Variants in DDX10 observed in about 807,000 individuals in gnomAD.
The protein encoded by DDX10 is DEAD-box helicase 10.
A neutral mutation model predicts 104.3 loss-of-function variants in DDX10; 74 were observed. The observed-to-expected ratio is 0.71, with a 90% CI of 0.59 to 0.86. The LOEUF (loss-of-function observed/expected upper bound fraction) is 0.86. DDX10 is among the 40% of genes least tolerant of loss of function. The pLI is 0.00. For synonymous variants in DDX10, 351 were observed against 353.4 expected (o/e 0.99, Z 0.08); for missense variants, 952 against 1,040.0 (o/e 0.92, Z 1.16).
chr11:108,780,321 T>C (rs2094376466), intron 13 of DDX10, among the ~76,000 whole-genome samples: 1 of 152,216 alleles, frequency 6.6e-6, no homozygotes, highest in Non-Finnish European at 1.5e-5. Context: ...ATATCAGTTG[T>C]TGAGTCAGAG....
At chr11:108,738,790 G>T (rs888046341) in intron 13 of DDX10, among the ~76,000 whole-genome samples, 1 of 152,140 alleles carries the variant, frequency 6.6e-6, no homozygotes. Flanking sequence ...GCAGGTTAAC[G>T]TATTAGCCTG....
rs747487799 is a variant in DDX10, at chr11:108,691,891, C to T, written c.991C>T (p.Arg331Ter). Reference protein sequence around the residue: ...SSCKEVQYLYRVFCRLRPGVS... With the variant: ...SSCKEVQYLY ...GATGCCCCAGGTCCAGTATCTGTAC[C>T]GAGTGTTTTGCCGGCTACGTCCTGG... The change falls in exon 8 of 18, where the codon CGA becomes TGA. Residue 331 changes from arginine to a stop codon, truncating the protein, a stop_gained. Transcript: ENST00000322536. LOFTEE classifies it high-confidence loss of function. The T allele has an allele frequency of 9.9e-6, 16 of 1,613,852 alleles. No homozygotes were observed. The highest frequency in any genetic ancestry group is 1.4e-5 in the Non-Finnish European group (16 of 1,179,872).
intron 16 of DDX10, among the ~76,000 whole-genome samples, chr11:108,909,381 T>A (rs1266664840): frequency 9.1e-6 from 1 of 110,412 alleles, no homozygotes; most frequent in Non-Finnish European, 1.9e-5. Context: ...CCTTCCCTTG[T>A]CCTGTGCCCC....
At chr11:108,690,809 A>G in intron 7 of DDX10, 1 of 224,134 alleles carries the variant, frequency 4.5e-6, no homozygotes, top group South Asian at 6.4e-5. Context: ...TTCACCAAGC[A>G]GCACAGCTTT....
At chr11:108,904,873 G>A (rs1863569376) in intron 16 of DDX10, among the ~76,000 whole-genome samples, 1 of 152,120 alleles carries the variant, frequency 6.6e-6, no homozygotes, top group South Asian at 2.1e-4. Context: ...TGTTGCATTT[G>A]TGCTTTTATT....
At chr11:108,881,739 T>C (rs1218415354) in intron 16 of DDX10, among the ~76,000 whole-genome samples, 1 of 152,162 alleles carries the variant, frequency 6.6e-6, no homozygotes, top group Non-Finnish European at 1.5e-5. Flanking sequence ...GTATGATGTT[T>C]GGTAGGTTAG....
intron 13 of DDX10, among the ~76,000 whole-genome samples, chr11:108,810,720 A>G (rs947161148): frequency 6.6e-6 from 1 of 152,162 alleles, no homozygotes; most frequent in Non-Finnish European, 1.5e-5. Flanking sequence ...TGCACACACA[A>G]ACACACACAC....
intron 12 of DDX10, among the ~76,000 whole-genome samples, chr11:108,720,783 G>C (rs142522199): frequency 0.01 from 1,552 of 152,010 alleles, 25 homozygotes; most frequent in African/African-American, 0.036. Flanking sequence ...TGTAGAGATA[G>C]GGTTTCGCCA....
At chr11:108,846,276 A>C (rs970639539) in intron 15 of DDX10, among the ~76,000 whole-genome samples, 3 of 152,214 alleles carry the variant, frequency 2.0e-5, no homozygotes, top group Non-Finnish European at 2.9e-5. Context: ...GAGAACATTT[A>C]AAATCCATTC....
intron 13 of DDX10, among the ~76,000 whole-genome samples, chr11:108,772,990 A>G (rs985571863): frequency 7.2e-5 from 11 of 152,218 alleles, no homozygotes; most frequent in Non-Finnish European, 1.6e-4. Flanking sequence ...TATTGTGAAC[A>G]TAGTTTTGAC....
At chr11:108,730,903 A>C (rs151072492) in intron 13 of DDX10, among the ~76,000 whole-genome samples, 6 of 151,014 alleles carry the variant, frequency 4.0e-5, no homozygotes, top group African/African-American at 1.2e-4. Flanking sequence ...TCTGTTGAAT[A>C]TGAGGAACAT....
intron 13 of DDX10, among the ~76,000 whole-genome samples, chr11:108,803,168 A>G (rs1862047410): frequency 6.6e-6 from 1 of 152,124 alleles, no homozygotes; most frequent in Admixed American, 6.5e-5. Flanking sequence ...GCATTCTTGC[A>G]ATATATCAGA....
chr11:108,837,607 CTTTTTTTTTTTTTT>C (rs142381520), intron 13 of DDX10, among the ~76,000 whole-genome samples: 54 of 34,746 alleles, frequency 1.6e-3, no homozygotes, highest in South Asian at 0.012. Context: ...TTGGATACAG[CTTTTTTTTTTTTTT>C]TTTTTTTTTT....
At chr11:108,732,016 A>G (rs376831005) in intron 13 of DDX10, among the ~76,000 whole-genome samples, 11 of 152,326 alleles carry the variant, frequency 7.2e-5, no homozygotes, top group African/African-American at 2.4e-4. Context: ...CTTATAACTT[A>G]TCCTCTTTAT....
intron 16 of DDX10, among the ~76,000 whole-genome samples, chr11:108,867,804 T>C (rs947627413): frequency 7.2e-5 from 11 of 152,056 alleles, no homozygotes; most frequent in Non-Finnish European, 1.0e-4. Flanking sequence ...AAAACAGATA[T>C]CATGACTTTA....
chr11:108,735,984 A>G (rs1375157081), intron 13 of DDX10, among the ~76,000 whole-genome samples: 2 of 152,328 alleles, frequency 1.3e-5, no homozygotes, highest in African/African-American at 4.8e-5. Context: ...TAAGATTAGC[A>G]TACAGATTTC....
At chr11:108,897,425 A>G (rs761202221) in intron 16 of DDX10, among the ~76,000 whole-genome samples, 32 of 152,198 alleles carry the variant, frequency 2.1e-4, no homozygotes, top group Non-Finnish European at 3.4e-4. Context: ...GGTACCCAAA[A>G]AGTTGAGTCA....
chr11:108,722,850 T>C lies in DDX10; in HGVS notation c.1500-147T>C. 3.1e-6 allele frequency: 4 copies of C among 1,281,918 alleles called. No homozygotes were observed. The South Asian group carries it at 6.9e-5, about 22-fold the overall frequency. 79.4% of individuals were successfully genotyped at this position (1,281,918 alleles called of 1,614,324 possible). A position where few individuals can be genotyped will look rare whatever the true frequency, so the allele number is the denominator to read the frequency against. ...ATTTTGCCTTACTTTTTGGATCAAC[T>C]AACCTGTTAGTATTGAGTTGTATCT... On this transcript the variant is annotated intron_variant, in intron 12 of 17. Transcript: ENST00000322536.
intron 13 of DDX10, among the ~76,000 whole-genome samples, chr11:108,749,203 T>C (rs2094335475): frequency 6.6e-6 from 1 of 152,060 alleles, no homozygotes; most frequent in Non-Finnish European, 1.5e-5. Flanking sequence ...CCTGGCCGTA[T>C]GTCTAGATTT....
Sources: allele counts gnomAD v4.1 joint callset (sites outside exome capture counted in the v4.1 genomes callset), GRCh38; gene constraint gnomAD v4.1.1; transcripts MANE v1.5; gene names NCBI Gene and HGNC (gene_info 2026-07-23, HGNC 2026-07-21).